ASAP1: variants seen among roughly 807,000 people sequenced by gnomAD.
ASAP1 encodes arf-GAP with SH3 domain, ANK repeat and PH domain-containing protein 1.
ASAP1 carries 43 observed loss-of-function variants against 145.2 expected under a neutral mutation model. The observed-to-expected ratio is 0.30, with a 90% CI of 0.23 to 0.38. The LOEUF (loss-of-function observed/expected upper bound fraction) is 0.38. Ranked by LOEUF, ASAP1 falls within the 10% of genes least tolerant of loss-of-function variation. ASAP1 has a pLI of 1.00. For missense variants in ASAP1, 1,018 were observed against 1,355.3 expected, an observed-to-expected ratio of 0.75 and a Z score of 3.91; for synonymous variants, 546 against 515.5, an observed-to-expected ratio of 1.06 and a Z score of -0.80.
At chr8:130,098,392 G>A (rs941540004) in intron 24 of ASAP1, among the ~76,000 whole-genome samples, 1 of 152,172 alleles carries the variant, frequency 6.6e-6, no homozygotes, top group African/African-American at 2.4e-5. Flanking sequence ...TGCCCAGGCT[G>A]GAGTGCAGTG....
Position 130,209,407 on chromosome 8 carries a change from G to A in ASAP1, c.405+5149C>T, listed in dbSNP as rs1316914214. On this transcript the variant is annotated intron_variant, in intron 5 of 29. Transcript: ENST00000518721. ...AACTATTTTCACAATAATACTAAGA[G>A]GTTATCTGAATCTTTCACTGTGTTG... Among the ~76,000 whole-genome samples the A allele has an allele frequency of 2.6e-5, 4 of 152,124 alleles. No individual in the cohort carries two copies. In the East Asian group the frequency reaches 7.7e-4, roughly 29 times the overall value.
intron 13 of ASAP1, among the ~76,000 whole-genome samples, chr8:130,150,748 A>G (rs138175891): frequency 1.1e-3 from 169 of 152,156 alleles, no homozygotes; most frequent in African/African-American, 3.9e-3. Flanking sequence ...GGCGTGGTGA[A>G]GTGTGCCTGC....
chr8:130,386,907 A>G (rs1828044595), intron 2 of ASAP1: 1 of 152,220 alleles, frequency 6.6e-6, no homozygotes, highest in Non-Finnish European at 1.5e-5. Flanking sequence ...TGCCGTGGTT[A>G]CCAACGCTCA....
intron 3 of ASAP1, among the ~76,000 whole-genome samples, chr8:130,273,431 G>A (rs1820700064): frequency 6.6e-6 from 1 of 152,136 alleles, no homozygotes; most frequent in Admixed American, 6.6e-5. Flanking sequence ...GTAGCAGGAG[G>A]CATCAGCAAG....
At chr8:130,127,810 G>C (rs567468973) in intron 16 of ASAP1, 117 bp downstream of exon 16, 2 of 1,113,078 alleles carry the variant, frequency 1.8e-6, no homozygotes, top group Non-Finnish European at 1.2e-6. Context: ...TACGTGTTTT[G>C]TGTGTGTATG....
chr8:130,438,636 A>AT (rs1195884589), intron 1 of ASAP1, among the ~76,000 whole-genome samples: 1 of 151,998 alleles, frequency 6.6e-6, no homozygotes, highest in Non-Finnish European at 1.5e-5. Context: ...GGTAAATTTA[A>AT]TTTTTTTCAA....
At chr8:130,370,239 T>C (rs1320524756) in intron 2 of ASAP1, among the ~76,000 whole-genome samples, 1 of 151,664 alleles carries the variant, frequency 6.6e-6, no homozygotes, top group Non-Finnish European at 1.5e-5. Context: ...GAGGCGGAGG[T>C]TGCAGTCAGC....
chr8:130,366,480 C>T (rs1287560663), intron 2 of ASAP1, among the ~76,000 whole-genome samples: 2 of 152,174 alleles, frequency 1.3e-5, no homozygotes, highest in Non-Finnish European at 2.9e-5. Flanking sequence ...TGGTCATTTT[C>T]AGAGATGAGA....
intron 3 of ASAP1, among the ~76,000 whole-genome samples, chr8:130,269,991 G>A (rs938027745): frequency 4.6e-5 from 7 of 152,068 alleles, no homozygotes; most frequent in South Asian, 2.1e-4. Flanking sequence ...CTAACATGGC[G>A]AAACCTCATC....
chr8:130,311,513 G>C (rs147312325), intron 3 of ASAP1, among the ~76,000 whole-genome samples: 3 of 152,148 alleles, frequency 2.0e-5, no homozygotes, highest in Non-Finnish European at 4.4e-5. Flanking sequence ...TGTAATCCCA[G>C]CACTTTGGGA....
intron 2 of ASAP1, among the ~76,000 whole-genome samples, chr8:130,371,978 T>A (rs181173661): frequency 6.6e-6 from 1 of 152,232 alleles, no homozygotes; most frequent in African/African-American, 2.4e-5. Flanking sequence ...AGAAGCATTC[T>A]ACCAGAGTCA....
At chr8:130,104,343 C>A (rs2097533606) in intron 24 of ASAP1, among the ~76,000 whole-genome samples, 3 of 152,242 alleles carry the variant, frequency 2.0e-5, no homozygotes, top group Non-Finnish European at 2.9e-5. Flanking sequence ...TTTGCCCTGG[C>A]ATGCTTATAC....
chr8:130,100,242 G>A (rs1417367008), intron 24 of ASAP1, among the ~76,000 whole-genome samples: 2 of 152,064 alleles, frequency 1.3e-5, no homozygotes, highest in African/African-American at 4.8e-5. Flanking sequence ...TTGTGGTTTT[G>A]ATTTACATTT....
chr8:130,306,457 C>A (rs1321221791), intron 3 of ASAP1, among the ~76,000 whole-genome samples: 1 of 152,126 alleles, frequency 6.6e-6, no homozygotes, highest in Non-Finnish European at 1.5e-5. Context: ...GCCACAAAAT[C>A]AATTCAAAGG....
intron 9 of ASAP1, among the ~76,000 whole-genome samples, chr8:130,170,864 G>A (rs1813547619): frequency 6.6e-6 from 1 of 152,024 alleles, no homozygotes; most frequent in South Asian, 2.1e-4. Context: ...GACTACAGAG[G>A]CACCCCACCA....
At chr8:130,408,514 C>T (rs1262645609) in intron 1 of ASAP1, among the ~76,000 whole-genome samples, 1 of 152,124 alleles carries the variant, frequency 6.6e-6, no homozygotes, top group East Asian at 1.9e-4. Context: ...GTTTTTAGAC[C>T]TTCGGGCTAG....
chr8:130,096,896 C>T (rs1011147131), intron 24 of ASAP1, among the ~76,000 whole-genome samples: 141 of 152,026 alleles, frequency 9.3e-4, no homozygotes, highest in African/African-American at 6.5e-4. Flanking sequence ...GAGGCCGAGG[C>T]GTGAGGGTCA....
chr8:130,344,206 T>A (rs1825562468), intron 3 of ASAP1, among the ~76,000 whole-genome samples: 1 of 152,174 alleles, frequency 6.6e-6, no homozygotes, highest in East Asian at 1.9e-4. Context: ...ATCCACAGAT[T>A]AAAAGAAATT....
intron 3 of ASAP1, among the ~76,000 whole-genome samples, chr8:130,356,882 TG>T (rs1265131206): frequency 6.6e-6 from 1 of 151,962 alleles, no homozygotes; most frequent in African/African-American, 2.4e-5. Flanking sequence ...GTCCTTGGGG[TG>T]GGGGGCTTAC....
Sources: allele counts gnomAD v4.1 joint callset (sites outside exome capture counted in the v4.1 genomes callset), GRCh38; gene constraint gnomAD v4.1.1; transcripts MANE v1.5; gene names NCBI Gene and HGNC (gene_info 2026-07-23, HGNC 2026-07-21).